KSR2: variants seen among roughly 807,000 people sequenced by gnomAD.
KSR2 encodes the protein kinase suppressor of ras 2.
KSR2 carries 25 observed loss-of-function variants against 107.8 expected under a neutral mutation model. That is an observed-to-expected ratio of 0.23 (90% CI 0.17 to 0.32). The LOEUF (loss-of-function observed/expected upper bound fraction) is 0.32. Ranked by LOEUF, KSR2 falls within the 10% of genes least tolerant of loss-of-function variation. The pLI is 1.00. For synonymous variants in KSR2, 480 were observed against 507.0 expected, an observed-to-expected ratio of 0.95 and a Z score of 0.71; for missense variants, 887 against 1,268.9, an observed-to-expected ratio of 0.70 and a Z score of 4.57.
chr12:117,566,109 A>G (rs1878475346), intron 7 of KSR2, among the ~76,000 whole-genome samples: 1 of 147,636 alleles, frequency 6.8e-6, no homozygotes, highest in Non-Finnish European at 1.5e-5. Context: ...TTTTTTTGCA[A>G]CCTCTCCCTC....
intron 4 of KSR2, among the ~76,000 whole-genome samples, chr12:117,759,725 A>G (rs887368621): frequency 6.6e-6 from 1 of 152,094 alleles, no homozygotes; most frequent in Admixed American, 6.5e-5. Context: ...ATATTGGTGG[A>G]ATTATACAGT....
chr12:117,636,734 T>G (rs1015591449), intron 5 of KSR2, among the ~76,000 whole-genome samples: 6 of 152,204 alleles, frequency 3.9e-5, no homozygotes, highest in Admixed American at 2.0e-4. Flanking sequence ...AATACGTTTA[T>G]GACCTCAGGG....
chr12:117,905,107 G>A (rs1894797615), intron 1 of KSR2, among the ~76,000 whole-genome samples: 1 of 152,086 alleles, frequency 6.6e-6, no homozygotes, highest in Admixed American at 6.6e-5. Context: ...GCTTGAACCT[G>A]GGAGGCGGAG....
At chr12:117,558,843 T>C (rs1412332360) in intron 7 of KSR2, among the ~76,000 whole-genome samples, 1 of 151,522 alleles carries the variant, frequency 6.6e-6, no homozygotes, top group Non-Finnish European at 1.5e-5. Context: ...GATAGGTGGC[T>C]GGACAGATGG....
intron 4 of KSR2, among the ~76,000 whole-genome samples, chr12:117,719,769 C>G (rs991968093): frequency 3.3e-5 from 5 of 152,212 alleles, no homozygotes; most frequent in African/African-American, 1.2e-4. Flanking sequence ...AATTGTTTAG[C>G]CAAATTCCAA....
chr12:117,818,213 C>A (rs1335535348), intron 3 of KSR2, among the ~76,000 whole-genome samples: 1 of 152,128 alleles, frequency 6.6e-6, no homozygotes, highest in Non-Finnish European at 1.5e-5. Context: ...CTGCTAGGGC[C>A]AAATCCTAAT....
intron 7 of KSR2, among the ~76,000 whole-genome samples, chr12:117,574,376 C>G (rs1879121154): frequency 6.6e-6 from 1 of 151,976 alleles, no homozygotes; most frequent in Non-Finnish European, 1.5e-5. Flanking sequence ...TTTCATGCTG[C>G]CGATAAAGAC....
intron 1 of KSR2, among the ~76,000 whole-genome samples, chr12:117,962,228 T>A (rs568354144): frequency 6.6e-6 from 1 of 151,766 alleles, no homozygotes; most frequent in South Asian, 2.1e-4. Flanking sequence ...ACTCCTAATA[T>A]TTTTTTCCCC....
At position 117,609,323 on chromosome 12, in the gene KSR2, TG is replaced by T. The variant is rs1295062331; in HGVS notation, c.1172-26965del. On this transcript the variant is annotated intron_variant, in intron 5 of 19. Transcript: ENST00000339824. The stretch of plus-strand genomic sequence containing the variant: ...AAGATCAGAATCCGTGTACAGTGCC[TG>T]GCCTATAATCAGTGCTCCATGAAGA... Among the ~76,000 whole-genome samples the T allele has an allele frequency of 2.0e-5, 3 of 152,318 alleles. No homozygotes were observed. In the East Asian group the frequency reaches 5.8e-4, roughly 29 times the overall value.
At chr12:117,862,106 G>T (rs951798220) in intron 1 of KSR2, among the ~76,000 whole-genome samples, 1 of 150,238 alleles carries the variant, frequency 6.7e-6, no homozygotes. Flanking sequence ...CCGTTGCCCA[G>T]GCTGGAGTGC....
intron 5 of KSR2, among the ~76,000 whole-genome samples, chr12:117,597,374 A>G (rs1880708265): frequency 1.3e-5 from 2 of 152,232 alleles, no homozygotes; most frequent in African/African-American, 4.8e-5. Context: ...TGAAGATGTG[A>G]TTACATAAAA....
chr12:117,669,280 T>C (rs1884800576), intron 4 of KSR2, among the ~76,000 whole-genome samples: 1 of 152,224 alleles, frequency 6.6e-6, no homozygotes, highest in Non-Finnish European at 1.5e-5. Flanking sequence ...TGAGTGCAAG[T>C]ATCCATCAGA....
chr12:117,882,003 GATATAC>G (rs1300167123), intron 1 of KSR2, among the ~76,000 whole-genome samples: 4 of 152,198 alleles, frequency 2.6e-5, no homozygotes, highest in African/African-American at 9.6e-5. Flanking sequence ...TTTACAAAAG[GATATAC>G]ATTTCCCTGA....
intron 6 of KSR2, among the ~76,000 whole-genome samples, chr12:117,581,041 T>C (rs1320670737): frequency 6.6e-6 from 1 of 152,226 alleles, no homozygotes. Flanking sequence ...CTTTGATGCC[T>C]TTCTCTCTGC....
chr12:117,509,262 T>A (rs1009217620), intron 14 of KSR2, among the ~76,000 whole-genome samples: 1 of 152,206 alleles, frequency 6.6e-6, no homozygotes, highest in African/African-American at 2.4e-5. Context: ...CTTGGCCCCC[T>A]CCTCCTTCCA....
chr12:117,923,920 C>G (rs1163557187), intron 1 of KSR2, among the ~76,000 whole-genome samples: 1 of 150,524 alleles, frequency 6.6e-6, no homozygotes, highest in African/African-American at 2.4e-5. Context: ...CGCTTGTTGC[C>G]CAGGCTGGAG....
chr12:117,562,356 T>C (rs1430964872), intron 7 of KSR2, among the ~76,000 whole-genome samples: 6 of 152,132 alleles, frequency 3.9e-5, no homozygotes, highest in African/African-American at 1.4e-4. Flanking sequence ...CTGAGGACCA[T>C]GACATGGCCA....
chr12:117,562,531 A>G (rs1456103522), intron 7 of KSR2, among the ~76,000 whole-genome samples: 1 of 152,134 alleles, frequency 6.6e-6, no homozygotes, highest in Non-Finnish European at 1.5e-5. Flanking sequence ...TAATAAACCC[A>G]GCTGGAAAAG....
chr12:117,786,764 C>T (rs371538076), intron 3 of KSR2, among the ~76,000 whole-genome samples: 3 of 152,116 alleles, frequency 2.0e-5, no homozygotes, highest in South Asian at 2.1e-4. Flanking sequence ...TGCAGTGAAA[C>T]GAGATCGCAC....
Sources: allele counts gnomAD v4.1 joint callset (sites outside exome capture counted in the v4.1 genomes callset), GRCh38; gene constraint gnomAD v4.1.1; transcripts MANE v1.5; gene names NCBI Gene and HGNC (gene_info 2026-07-23, HGNC 2026-07-21).